Variants in VPS13B observed in about 807,000 individuals in gnomAD.
VPS13B encodes vacuolar protein sorting 13 homolog B.
In VPS13B, 285 loss-of-function variants were observed where a neutral mutation model predicts 426.4. The ratio of observed to expected loss-of-function variants is 0.67; its 90% CI spans 0.61 to 0.74. The LOEUF (loss-of-function observed/expected upper bound fraction) is 0.74. Among genes scored for constraint, VPS13B ranks in the 30% least tolerant of loss-of-function variants. The pLI is 0.00. For synonymous variants in VPS13B, 1,676 were observed against 1,676.4 expected (o/e 1.00, Z 0.01); for missense variants, 4,537 against 4,782.6 (o/e 0.95, Z 1.51).
At chr8:99,260,946 T>TA (rs1013449725) in intron 17 of VPS13B, among the ~76,000 whole-genome samples, 23 of 151,544 alleles carry the variant, frequency 1.5e-4, no homozygotes, top group South Asian at 8.3e-4. Context: ...TTTCTTTTTT[T>TA]AAAAAAAAAC....
chr8:99,496,305 T>G (rs1820879565), intron 25 of VPS13B, among the ~76,000 whole-genome samples: 1 of 152,192 alleles, frequency 6.6e-6, no homozygotes, highest in Non-Finnish European at 1.5e-5. Flanking sequence ...TCATTAAAAT[T>G]TTTATGCTAT....
At chr8:99,458,271 T>G (rs942859060) in intron 23 of VPS13B, among the ~76,000 whole-genome samples, 2 of 152,218 alleles carry the variant, frequency 1.3e-5, no homozygotes, top group African/African-American at 2.4e-5. Context: ...GGCTGCATAG[T>G]ATTCCATGGT....
At chr8:99,871,393 A>G (rs1817406775) in intron 60 of VPS13B, 55 bp from the exon 61 acceptor site, 1 of 1,612,778 alleles carries the variant, frequency 6.2e-7, no homozygotes, top group South Asian at 1.1e-5. Context: ...GAGCACTGAT[A>G]AGTGACCATC....
chr8:99,591,017 C>T (rs1563813162), intron 33 of VPS13B, among the ~76,000 whole-genome samples: 1 of 151,996 alleles, frequency 6.6e-6, no homozygotes, highest in Admixed American at 6.6e-5. Flanking sequence ...AATCTGGGTG[C>T]TCATGTGTTG....
At chr8:99,407,613 T>C (rs1330235241) in intron 21 of VPS13B, among the ~76,000 whole-genome samples, 1 of 149,368 alleles carries the variant, frequency 6.7e-6, no homozygotes, top group Non-Finnish European at 1.5e-5. Context: ...AGGCCAGCAT[T>C]TTCCTTTATC....
At chr8:99,460,937 C>A (rs1049310015) in intron 23 of VPS13B, among the ~76,000 whole-genome samples, 1 of 152,152 alleles carries the variant, frequency 6.6e-6, no homozygotes, top group Non-Finnish European at 1.5e-5. Flanking sequence ...TCTCACTCTT[C>A]GTATCCTAAG....
Position 99,360,164 on chromosome 8 carries a change from TTCTTTCTTTCTTTCTTTCTTTCTTTC to T in VPS13B, c.2825-24040_2825-24015del, listed in dbSNP as rs1341444673. 1.1e-3 allele frequency among the ~76,000 whole-genome samples: 42 copies of T among 39,616 alleles called. 1 individual carries two copies. Among genetic ancestry groups the T allele is most frequent in the Middle Eastern group, 0.01 (1 of 100 alleles). The allele number at this position is 39,616 out of a possible 152,430, so 26.0% of individuals were successfully genotyped here. ...TTTCTTTCTTTCTTTCTTTCTTTCT[TTCTTTCTTTCTTTCTTTCTTTCTTTC>T]TCTCTCTCTCTCTCTCTCTCTTTCT... On this transcript the variant is annotated intron_variant, in intron 19 of 61. Coordinates refer to ENST00000357162, the MANE Select transcript of VPS13B (RefSeq NM_152564.5).
At chr8:99,223,967 A>C (rs1815875755) in intron 17 of VPS13B, among the ~76,000 whole-genome samples, 1 of 152,226 alleles carries the variant, frequency 6.6e-6, no homozygotes, top group South Asian at 2.1e-4. Context: ...TAGGTCATTC[A>C]CAACTGCATT....
At chr8:99,378,329 C>A (rs1319618753) in intron 19 of VPS13B, among the ~76,000 whole-genome samples, 1 of 152,230 alleles carries the variant, frequency 6.6e-6, no homozygotes, top group South Asian at 2.1e-4. Flanking sequence ...TTTTCCTGTT[C>A]TTAAGGTGCC....
At chr8:99,822,895 A>G (rs1814459564) in intron 50 of VPS13B, among the ~76,000 whole-genome samples, 2 of 152,224 alleles carry the variant, frequency 1.3e-5, no homozygotes, top group Admixed American at 6.5e-5. Flanking sequence ...CTGTACGTTC[A>G]TGAGAGAATT....
chr8:99,324,923 T>C (rs547626010), intron 19 of VPS13B, among the ~76,000 whole-genome samples: 21 of 152,306 alleles, frequency 1.4e-4, no homozygotes, highest in African/African-American at 4.1e-4. Flanking sequence ...CTCTTCCTTC[T>C]CCTTCCATTG....
intron 17 of VPS13B, among the ~76,000 whole-genome samples, chr8:99,250,974 A>C (rs2132919778): frequency 6.6e-6 from 1 of 152,062 alleles, no homozygotes; most frequent in Admixed American, 6.5e-5. Flanking sequence ...TTCATTGAGA[A>C]ATTGATAATT....
intron 2 of VPS13B, among the ~76,000 whole-genome samples, chr8:99,023,749 G>C (rs943743229): frequency 2.6e-5 from 4 of 152,156 alleles, no homozygotes; most frequent in Non-Finnish European, 4.4e-5. Context: ...AAAGTGCTGG[G>C]ATTACAGGTG....
intron 3 of VPS13B, among the ~76,000 whole-genome samples, chr8:99,045,570 A>G (rs995941745): frequency 1.3e-5 from 2 of 151,608 alleles, no homozygotes; most frequent in African/African-American, 2.4e-5. Context: ...AGTCCCAGCT[A>G]TTTGTTTTTA....
intron 33 of VPS13B, among the ~76,000 whole-genome samples, chr8:99,583,036 A>G (rs1826150195): frequency 6.6e-6 from 1 of 152,148 alleles, no homozygotes; most frequent in Non-Finnish European, 1.5e-5. Flanking sequence ...CATTCCCATC[A>G]GTGGCTCTAC....
rs1461621025 is a variant in VPS13B at position 99,868,570 on chromosome 8, GCTAT to G, written c.11392+108_11392+111del. 21 of 1,358,448 alleles carry G rather than the reference GCTAT, an allele frequency of 1.5e-5. No individual in the cohort carries two copies. The East Asian group carries it at 2.8e-4, about 18-fold the overall frequency. 84.1% of individuals were successfully genotyped at this position (1,358,448 alleles called of 1,614,324 possible). ...GTAACCTTTCACATGGCAGACAGTG[GCTAT>G]CTTTCTTACCTCTCTATGCTTATTT... On this transcript the variant is annotated intron_variant, in intron 59 of 61. Coordinates refer to ENST00000357162, the MANE Select transcript of VPS13B (RefSeq NM_152564.5).
At chr8:99,500,264 AT>A (rs1487494164) in intron 25 of VPS13B, among the ~76,000 whole-genome samples, 1 of 152,166 alleles carries the variant, frequency 6.6e-6, no homozygotes, top group Non-Finnish European at 1.5e-5. Flanking sequence ...TGTTTGAGAC[AT>A]TCAAAGCAAT....
chr8:99,815,645 C>A (rs1474206750), intron 44 of VPS13B, among the ~76,000 whole-genome samples: 1 of 147,018 alleles, frequency 6.8e-6, no homozygotes, highest in Admixed American at 6.6e-5. Context: ...TAGACTTGTA[C>A]ATATACTGTG....
At chr8:99,256,615 T>C (rs1235644911) in intron 17 of VPS13B, among the ~76,000 whole-genome samples, 5 of 152,220 alleles carry the variant, frequency 3.3e-5, no homozygotes. Context: ...TATCTCTTTG[T>C]CGTTTTGATT....
Sources: allele counts gnomAD v4.1 joint callset (sites outside exome capture counted in the v4.1 genomes callset), GRCh38; gene constraint gnomAD v4.1.1; transcripts MANE v1.5; gene names NCBI Gene and HGNC (gene_info 2026-07-23, HGNC 2026-07-21).